Variants in UBE2J1 observed in about 807,000 individuals in gnomAD.
UBE2J1 encodes the protein ubiquitin-conjugating enzyme E2 J1.
UBE2J1 carries 17 observed loss-of-function variants against 42.1 expected under a neutral mutation model. The ratio of observed to expected loss-of-function variants is 0.40; its 90% CI spans 0.28 to 0.61. UBE2J1 has a LOEUF of 0.61. UBE2J1 is among the 20% of genes least tolerant of loss of function. The pLI, the probability that UBE2J1 is intolerant of heterozygous loss-of-function variation, is 0.38. For missense variants in UBE2J1, 291 were observed against 389.4 expected (o/e 0.75, Z 2.13); for synonymous variants, 127 against 137.2 (o/e 0.93, Z 0.52).
In UBE2J1 at chr6:89,328,351, T is replaced by C. The variant is rs1024221621; in HGVS notation, c.*1328A>G. Reference sequence around the variant, plus strand: ...ACCCTCCCCTATACTATTCAAGATATACATATGGGCTAACTTTCGTGGACC... The same window carrying C: ...ACCCTCCCCTATACTATTCAAGATACACATATGGGCTAACTTTCGTGGACC... On this transcript the variant is annotated 3_prime_UTR_variant, in exon 8 of 8. Coordinates refer to ENST00000435041, the MANE Select transcript of UBE2J1 (RefSeq NM_016021.3). The C allele has an allele frequency of 6.6e-6, 1 of 152,244 alleles. No homozygotes were observed. The highest frequency in any genetic ancestry group is 1.5e-5 in the Non-Finnish European group (1 of 68,042). The allele number at this position is 152,244 out of a possible 1,614,324, so 9.4% of individuals were successfully genotyped here.
chr6:89,343,381 G>C (rs1768290507), intron 2 of UBE2J1, among the ~76,000 whole-genome samples: 1 of 143,494 alleles, frequency 7.0e-6, no homozygotes, highest in South Asian at 2.1e-4. Context: ...GTTGCAGTGA[G>C]CCGAGATCAC....
rs181031017 is a variant in UBE2J1, at chr6:89,337,170, T to C, written c.428+1035A>G. On this transcript the variant is annotated intron_variant, in intron 5 of 7. Coordinates refer to ENST00000435041, the MANE Select transcript of UBE2J1 (RefSeq NM_016021.3). ...ATCATTTTTTAAAAGGTTTCTATTATAGACTGAGAATCTAGAATATACAGT... is the reference window on the plus strand; with the variant it reads ...ATCATTTTTTAAAAGGTTTCTATTACAGACTGAGAATCTAGAATATACAGT... 4.0e-5 allele frequency among the ~76,000 whole-genome samples: 6 copies of C among 151,430 alleles called. No homozygotes were observed. The East Asian group carries it at 1.2e-3, about 29-fold the overall frequency.
chr6:89,339,150 C>T (rs34899236), intron 3 of UBE2J1, among the ~76,000 whole-genome samples: 9 of 151,512 alleles, frequency 5.9e-5, no homozygotes, highest in Admixed American at 3.9e-4. Flanking sequence ...TACTGGCCAG[C>T]GAAGTGGCTC....
intron 5 of UBE2J1, 62 bp downstream of exon 5, chr6:89,338,143 T>C: frequency 8.5e-7 from 1 of 1,172,518 alleles, no homozygotes; most frequent in Non-Finnish European, 1.2e-6. Context: ...AGGCCCTACC[T>C]CCTAATAGCC....
At chr6:89,331,151 G>A (rs144122306) in intron 7 of UBE2J1, among the ~76,000 whole-genome samples, 112 of 152,292 alleles carry the variant, frequency 7.4e-4, no homozygotes, top group Non-Finnish European at 1.2e-3. Flanking sequence ...GGGATTTGAT[G>A]TATAACATCT....
In UBE2J1 at chr6:89,342,454, T is replaced by A; in HGVS notation, c.107A>T (p.Asp36Val). ...TDHYHAQPLE[D>V]NLFEWHFTVR... ...CGTGAAGTGCCATTCAAAAAGGTTA[T>A]CCTGAACAAAAACAATAATCCACAA... Residue 36 changes from aspartate (D) to valine (V), a missense_variant and splice_region_variant, in exon 3 of 8, where the codon GAT becomes GTT. Asp to Val is a radical substitution (Grantham distance 152). Around this residue, in one of 2 missense-constraint regions of UBE2J1, gnomAD observed 115 missense variants for 193.1 expected, o/e 0.60. Transcript: ENST00000435041. 6.3e-7 allele frequency: 1 copy of A among 1,595,248 alleles called. No homozygotes were observed. The highest frequency in any genetic ancestry group is 8.5e-7 in the Non-Finnish European group (1 of 1,174,464).
intron 3 of UBE2J1, among the ~76,000 whole-genome samples, chr6:89,340,599 C>G (rs976790368): frequency 6.6e-6 from 1 of 152,160 alleles, no homozygotes; most frequent in Admixed American, 6.5e-5. Context: ...TTCATTTTGA[C>G]TGATGAGAAA....
In UBE2J1 at chr6:89,327,933, T is replaced by A. The variant is rs1222266596; in HGVS notation, c.*1746A>T. ...TCTAATATGTTTCAAATCAAGATTT[T>A]AGAGTGTATTTTCTTATGGCAATAG... On this transcript the variant is annotated 3_prime_UTR_variant, in exon 8 of 8. Coordinates refer to ENST00000435041, the MANE Select transcript of UBE2J1 (RefSeq NM_016021.3). The A allele has an allele frequency of 1.3e-5, 2 of 152,236 alleles. No individual in the cohort carries two copies. The highest frequency in any genetic ancestry group is 2.9e-5 in the Non-Finnish European group (2 of 68,044). The allele number at this position is 152,236 out of a possible 1,614,324, so 9.4% of individuals were successfully genotyped here. A position where few individuals can be genotyped will look rare whatever the true frequency, so the allele number is the denominator to read the frequency against.
At chr6:89,341,602 T>C (rs2127869174) in intron 3 of UBE2J1, among the ~76,000 whole-genome samples, 1 of 152,178 alleles carries the variant, frequency 6.6e-6, no homozygotes, top group Non-Finnish European at 1.5e-5. Flanking sequence ...CATGTGCCTA[T>C]AGTCCCAGCT....
intron 1 of UBE2J1, among the ~76,000 whole-genome samples, chr6:89,347,008 T>TAAAGGC (rs1768377888): frequency 4.6e-5 from 7 of 152,356 alleles, no homozygotes; most frequent in Admixed American, 4.6e-4. Flanking sequence ...AGAATCCGAT[T>TAAAGGC]AAAGGCAATG....
chr6:89,330,459 CT>C (rs1283561133), intron 7 of UBE2J1, among the ~76,000 whole-genome samples: 1 of 151,992 alleles, frequency 6.6e-6, no homozygotes, highest in African/African-American at 2.4e-5. Flanking sequence ...CCTCAGATGC[CT>C]TTTGGATGGT....
intron 2 of UBE2J1, among the ~76,000 whole-genome samples, 162 bp downstream of exon 2, chr6:89,343,521 A>G (rs1463778519): frequency 6.6e-6 from 1 of 152,086 alleles, no homozygotes; most frequent in Non-Finnish European, 1.5e-5. Flanking sequence ...GTTTCTTCTA[A>G]AGTGATTTGG....
At position 89,343,667 on chromosome 6, in the gene UBE2J1, G is replaced by A; in HGVS notation, c.105+16C>T. ...ATATTAAAATCCATATGAAGAACAT[G>A]GAGATAGAAACTAACCTCTAAAGGC... On this transcript the variant is annotated intron_variant, in intron 2 of 7. Coordinates refer to ENST00000435041, the MANE Select transcript of UBE2J1 (RefSeq NM_016021.3). 6.4e-7 allele frequency: 1 copy of A among 1,571,432 alleles called. No individual in the cohort carries two copies. The highest frequency in any genetic ancestry group is 1.2e-5 in the South Asian group (1 of 83,316).
chr6:89,329,662 T>G lies in UBE2J1; in HGVS notation c.*17A>C. ...AATGAAGCAGTTGAGTCACAGCTCA[T>G]AAGTCACAAAACCATATTATAACTC... On this transcript the variant is annotated 3_prime_UTR_variant, in exon 8 of 8. Coordinates refer to ENST00000435041, the MANE Select transcript of UBE2J1 (RefSeq NM_016021.3). 3 of 1,613,556 alleles carry G rather than the reference T, an allele frequency of 1.9e-6. No individual in the cohort carries two copies. The highest frequency in any genetic ancestry group is 2.5e-6 in the Non-Finnish European group (3 of 1,179,720).
In UBE2J1 at chr6:89,335,260, A is replaced by G. The variant is rs374159076; in HGVS notation, c.558+42T>C. On this transcript the variant is annotated intron_variant, in intron 6 of 7. Coordinates refer to ENST00000435041, the MANE Select transcript of UBE2J1 (RefSeq NM_016021.3). ...TCTATGCAGAATCCAGCAGTAAACA[A>G]AAGGGTTGCAAGATTAGCATTTATT... 5 of 1,527,164 alleles carry G rather than the reference A, an allele frequency of 3.3e-6. No homozygotes were observed. The African/African-American group carries it at 6.9e-5, about 21-fold the overall frequency. 94.6% of individuals were successfully genotyped at this position (1,527,164 alleles called of 1,614,324 possible).
intron 7 of UBE2J1, 29 bp from the exon 8 acceptor site, chr6:89,329,986 A>G: frequency 2.5e-6 from 4 of 1,607,114 alleles, no homozygotes; most frequent in Non-Finnish European, 3.4e-6. Flanking sequence ...CTTTGTTTGA[A>G]ACTGGCAAAG....
intron 7 of UBE2J1, among the ~76,000 whole-genome samples, 184 bp from the exon 8 acceptor site, chr6:89,330,141 A>G (rs1431633448): frequency 6.6e-6 from 1 of 152,208 alleles, no homozygotes; most frequent in Non-Finnish European, 1.5e-5. Context: ...AAAAAAAGTC[A>G]TAAGTTAGGA....
At chr6:89,352,140 A>C (rs1187220689) in intron 1 of UBE2J1, among the ~76,000 whole-genome samples, 1 of 152,190 alleles carries the variant, frequency 6.6e-6, no homozygotes, top group Non-Finnish European at 1.5e-5. Flanking sequence ...ATCAGCCGGC[A>C]GTAAATAGAA....
rs180963236 is a variant in UBE2J1 at position 89,346,088 on chromosome 6, C to A, written c.32-2332G>T. The stretch of plus-strand genomic sequence containing the variant: ...AAATTTTTTGTAGAGCTGGGGTCCC[C>A]CTGTCTTGCCCAGGCTGGTCTCGGG... On this transcript the variant is annotated intron_variant, in intron 1 of 7. Transcript: ENST00000435041. Among the ~76,000 whole-genome samples the A allele has an allele frequency of 3.7e-3, 570 of 152,030 alleles. 1 individual carries two copies. Among genetic ancestry groups the A allele is most frequent in the African/African-American group, 0.013 (542 of 41,472 alleles).
Sources: gnomAD v4.1 joint callset for allele counts (sites outside exome capture counted in the v4.1 genomes callset) on GRCh38, gnomAD v4.1.1 for gene constraint, gnomAD v4.1.1 regional missense constraint, MANE v1.5 for transcripts, NCBI Gene and HGNC (gene_info 2026-07-23, HGNC 2026-07-21) for gene names.